The following MYZAP variants were observed in gnomAD, a reference collection of about 807,000 sequenced individuals.
The protein encoded by MYZAP is GRINL1A complex locus upstream.
Under a neutral mutation model 69.4 loss-of-function variants are expected in MYZAP, and 66 were observed. The ratio of observed to expected loss-of-function variants is 0.95; its 90% CI spans 0.78 to 1.17. The LOEUF (loss-of-function observed/expected upper bound fraction) is 1.17. Ranked by LOEUF, MYZAP falls within the 50% of genes most tolerant of loss-of-function variation. The pLI, the probability that MYZAP is intolerant of heterozygous loss-of-function variation, is 0.00. For missense variants in MYZAP, 611 were observed against 556.2 expected (o/e 1.10, Z -0.99); for synonymous variants, 256 against 205.9 (o/e 1.24, Z -2.09).
intron 12 of MYZAP, among the ~76,000 whole-genome samples, chr15:57,677,791 C>T (rs1230464221): frequency 1.3e-5 from 2 of 152,174 alleles, no homozygotes; most frequent in African/African-American, 4.8e-5. Flanking sequence ...TGAGCTCAGC[C>T]TTGGGCAAGT....
chr15:57,677,833 A>G (rs2039217030), intron 12 of MYZAP, among the ~76,000 whole-genome samples: 1 of 152,282 alleles, frequency 6.6e-6, no homozygotes. Context: ...CAACTCTTTC[A>G]TCTTTAAACT....
At position 57,639,435 on chromosome 15, in the gene MYZAP, G is replaced by A; in HGVS notation, c.1014-5G>A. The A allele has an allele frequency of 1.2e-6, 2 of 1,613,854 alleles. No individual in the cohort carries two copies. Among genetic ancestry groups the A allele is most frequent in the Non-Finnish European group, 1.7e-6 (2 of 1,179,918 alleles). On this transcript the variant is annotated splice_region_variant and splice_polypyrimidine_tract_variant and intron_variant, in intron 9 of 12. Transcript: ENST00000267853. ...TCATTTGCTTTTTTCTCCTATTTGTGTTAGGTATCAGCAGTTGGAGGAGGC... is the reference window on the plus strand; with the variant it reads ...TCATTTGCTTTTTTCTCCTATTTGTATTAGGTATCAGCAGTTGGAGGAGGC...
chr15:57,626,436 ATGT>A (rs573257898), intron 5 of MYZAP, among the ~76,000 whole-genome samples: 77 of 152,346 alleles, frequency 5.1e-4, no homozygotes, highest in African/African-American at 1.7e-3. Context: ...GTGAAAATGC[ATGT>A]TGTTATCTCA....
intron 4 of MYZAP, among the ~76,000 whole-genome samples, chr15:57,623,561 T>A (rs148733833): frequency 0.015 from 2,244 of 152,060 alleles, 30 homozygotes; most frequent in South Asian, 0.045. Flanking sequence ...GGTGAAACCC[T>A]GTCTCTACTA....
intron 3 of MYZAP, among the ~76,000 whole-genome samples, chr15:57,621,203 T>TTC (rs1192864048): frequency 8.4e-6 from 1 of 119,020 alleles, no homozygotes; most frequent in Non-Finnish European, 1.8e-5. Context: ...TTCTTTCTTT[T>TTC]TCTTTTTTTT....
At chr15:57,593,188 G>GCGCGCACACA (rs1555454573) in intron 1 of MYZAP, among the ~76,000 whole-genome samples, 5 of 114,152 alleles carry the variant, frequency 4.4e-5, no homozygotes, top group African/African-American at 1.7e-4. Context: ...GTACACAGGC[G>GCGCGCACACA]CACACACACA....
At chr15:57,624,944 C>T (rs1360548066) in intron 4 of MYZAP, among the ~76,000 whole-genome samples, 1 of 152,214 alleles carries the variant, frequency 6.6e-6, no homozygotes, top group Non-Finnish European at 1.5e-5. Flanking sequence ...TCAGTCCTAA[C>T]TGTATCTAGC....
intron 4 of MYZAP, among the ~76,000 whole-genome samples, chr15:57,623,122 G>A (rs1400543868): frequency 2.0e-5 from 3 of 152,276 alleles, no homozygotes; most frequent in African/African-American, 7.2e-5. Flanking sequence ...ATAAATGCGG[G>A]TTAAAACCAT....
At chr15:57,677,068 G>A (rs1447039581) in intron 12 of MYZAP, among the ~76,000 whole-genome samples, 2 of 152,174 alleles carry the variant, frequency 1.3e-5, no homozygotes, top group African/African-American at 4.8e-5. Flanking sequence ...AAGGCGCCAG[G>A]GAAGTCTGGG....
At chr15:57,645,459 C>A (rs2037394822) in intron 10 of MYZAP, among the ~76,000 whole-genome samples, 1 of 152,142 alleles carries the variant, frequency 6.6e-6, no homozygotes, top group African/African-American at 2.4e-5. Context: ...AAAATAGCAA[C>A]AAGTATGGAC....
chr15:57,599,387 A>G, intron 1 of MYZAP: 4 of 992,902 alleles, frequency 4.0e-6, no homozygotes, highest in East Asian at 7.9e-5. Flanking sequence ...GTACCCTCAT[A>G]GTCCCTAAAA....
At chr15:57,602,432 C>T (rs1402122152) in intron 1 of MYZAP, among the ~76,000 whole-genome samples, 8 of 152,110 alleles carry the variant, frequency 5.3e-5, no homozygotes, top group Admixed American at 1.3e-4. Context: ...TGTCTCTCCC[C>T]AAATTTCCCA....
chr15:57,638,814 G>A lies in MYZAP; in HGVS notation c.1014-626G>A, dbSNP rs535519138. Among the ~76,000 whole-genome samples the A allele has an allele frequency of 2.3e-4, 35 of 152,258 alleles. No homozygotes were observed. The East Asian group carries it at 5.4e-3, about 23-fold the overall frequency. On this transcript the variant is annotated intron_variant, in intron 9 of 12. Coordinates refer to ENST00000267853, the MANE Select transcript of MYZAP (RefSeq NM_001018100.5). Reference sequence around the variant, plus strand: ...ATTCCAGACCTTTTGGTATTCTGCCGTTGATTTCAGATATTTTATTGTGTT... The same window carrying A: ...ATTCCAGACCTTTTGGTATTCTGCCATTGATTTCAGATATTTTATTGTGTT...
At chr15:57,668,873 G>GATATATATATATAT (rs34433014) in intron 11 of MYZAP, among the ~76,000 whole-genome samples, 19 of 134,226 alleles carry the variant, frequency 1.4e-4, no homozygotes, top group Non-Finnish European at 2.4e-4. Context: ...GTCTGTTGAA[G>GATATATATATATAT]ATATATATAT....
At chr15:57,651,700 G>C (rs1196031674) in intron 10 of MYZAP, among the ~76,000 whole-genome samples, 1 of 152,206 alleles carries the variant, frequency 6.6e-6, no homozygotes, top group Non-Finnish European at 1.5e-5. Context: ...TCAGTTTCAT[G>C]GTCTGGTGGG....
chr15:57,626,784 T>C (rs1475992943), intron 5 of MYZAP, among the ~76,000 whole-genome samples: 3 of 152,234 alleles, frequency 2.0e-5, no homozygotes, highest in African/African-American at 7.2e-5. Context: ...AATTCTCTGA[T>C]AACAGTTGGT....
At chr15:57,647,597 G>A (rs1321335541) in intron 10 of MYZAP, 1 of 985,308 alleles carries the variant, frequency 1.0e-6, no homozygotes. Flanking sequence ...TGCTTTTAGA[G>A]TTTCTTTTCT....
At chr15:57,662,494 G>T (rs1188782485) in intron 11 of MYZAP, among the ~76,000 whole-genome samples, 1 of 152,178 alleles carries the variant, frequency 6.6e-6, no homozygotes. Flanking sequence ...CCCTGGATCT[G>T]CTTCTTATCA....
intron 12 of MYZAP, among the ~76,000 whole-genome samples, chr15:57,679,081 C>A (rs2039292345): frequency 6.6e-6 from 1 of 152,082 alleles, no homozygotes; most frequent in Non-Finnish European, 1.5e-5. Context: ...GAAGCTGAGG[C>A]AGGAGAATCA....
Sources: gnomAD v4.1 joint callset for allele counts (sites outside exome capture counted in the v4.1 genomes callset) on GRCh38, gnomAD v4.1.1 for gene constraint, MANE v1.5 for transcripts, NCBI Gene and HGNC (gene_info 2026-07-23, HGNC 2026-07-21) for gene names.